Variants in YTHDF1 observed in about 807,000 individuals in gnomAD.
YTHDF1 encodes the protein YTH domain-containing family protein 1.
YTHDF1 carries 16 observed loss-of-function variants against 49.1 expected under a neutral mutation model. The ratio of observed to expected loss-of-function variants is 0.33; its 90% confidence interval spans 0.22 to 0.49. The LOEUF (loss-of-function observed/expected upper bound fraction) is 0.49. Ranked by LOEUF, YTHDF1 falls within the 20% of genes least tolerant of loss-of-function variation. The pLI is 0.99. For missense variants in YTHDF1, 621 were observed against 744.3 expected (o/e 0.83, Z 1.93); for synonymous variants, 313 against 290.1 (o/e 1.08, Z -0.80).
At chr20:63,198,258 C>T (rs1601229501) in intron 4 of YTHDF1, among the ~76,000 whole-genome samples, 1 of 151,498 alleles carries the variant, frequency 6.6e-6, no homozygotes, top group South Asian at 2.1e-4. Context: ...CATGGTAAAA[C>T]CCCACCTCTA....
rs2066522188 is a variant in YTHDF1 at position 63,202,477 on chromosome 20, T to C, written c.1463A>G (p.Gln488Arg). ...ATTCTCCAGCCTGATGTGCCGGAGC[T>C]GGTTATTGGGTACATCCTTAACAAA... is the stretch of plus-strand genomic sequence containing the variant. ...WIFVKDVPNN[Q>R]LRHIRLENND... The change falls in exon 4 of 5, where the codon CAG becomes CGG. Residue 488 changes from glutamine (Q) to arginine (R), a missense_variant. By Grantham distance (43) the Gln-to-Arg change is conservative. Coordinates refer to ENST00000370339, the MANE Select transcript of YTHDF1 (RefSeq NM_017798.4). The C allele has an allele frequency of 6.2e-7, 1 of 1,614,186 alleles. No individual in the cohort carries two copies. The highest frequency in any genetic ancestry group is 1.7e-5 in the Admixed American group (1 of 60,016).
At chr20:63,206,053 C>G (rs1412063315) in intron 3 of YTHDF1, among the ~76,000 whole-genome samples, 1 of 152,208 alleles carries the variant, frequency 6.6e-6, no homozygotes, top group Non-Finnish European at 1.5e-5. Context: ...GCGGTCTGTG[C>G]ACAGGACTTG....
In YTHDF1 at chr20:63,203,846, A is replaced by C; in HGVS notation, c.133-39T>G. ...CGTGACAAGTTACACCACTTCTACAACACGAGATGCTGAGAATGCCAACCG... is the reference window on the plus strand; with the variant it reads ...CGTGACAAGTTACACCACTTCTACACCACGAGATGCTGAGAATGCCAACCG... On this transcript the variant is annotated intron_variant, in intron 3 of 4. Coordinates refer to ENST00000370339, the MANE Select transcript of YTHDF1 (RefSeq NM_017798.4). This position sits in a 1 kb window ranked among gnomAD's most constrained non-coding sequence, Gnocchi z 4.4. The C allele has an allele frequency of 1.3e-6, 2 of 1,547,736 alleles. No homozygotes were observed. Among genetic ancestry groups the C allele is most frequent in the Non-Finnish European group, 8.8e-7 (1 of 1,141,794 alleles).
In YTHDF1 at chr20:63,203,881, T is replaced by A; in HGVS notation, c.133-74A>T. Reference sequence around the variant, plus strand: ...CTGAGAATGCCAACCGCCTCTTGCTTAAGCACAGGTGGAGCAAAAACAAAA... The same window carrying A: ...CTGAGAATGCCAACCGCCTCTTGCTAAAGCACAGGTGGAGCAAAAACAAAA... On this transcript the variant is annotated intron_variant, in intron 3 of 4. Transcript: ENST00000370339. The surrounding 1 kb of genome is among the most constrained non-coding windows in gnomAD (Gnocchi z 4.4). 2 of 1,429,820 alleles carry A rather than the reference T, an allele frequency of 1.4e-6. No homozygotes were observed. The highest frequency in any genetic ancestry group is 9.4e-7 in the Non-Finnish European group (1 of 1,064,214). 88.6% of individuals were successfully genotyped at this position (1,429,820 alleles called of 1,614,324 possible).
chr20:63,214,451 T>G (rs2066591455), intron 2 of YTHDF1, among the ~76,000 whole-genome samples: 2 of 152,206 alleles, frequency 1.3e-5, no homozygotes, highest in African/African-American at 4.8e-5. Flanking sequence ...AAAATTTATT[T>G]TGCCAAGGTT....
At chr20:63,206,212 A>G (rs1264650130) in intron 3 of YTHDF1, among the ~76,000 whole-genome samples, 1 of 152,246 alleles carries the variant, frequency 6.6e-6, no homozygotes, top group African/African-American at 2.4e-5. Context: ...TTCCACGCAA[A>G]AAGAGCAGAT....
chr20:63,214,924 T>G (rs1049536586), intron 2 of YTHDF1, among the ~76,000 whole-genome samples: 2 of 152,202 alleles, frequency 1.3e-5, no homozygotes, highest in African/African-American at 4.8e-5. Context: ...AGACTGGTTT[T>G]CCTTTTACAC....
chr20:63,214,908 G>A (rs1433385278), intron 2 of YTHDF1, among the ~76,000 whole-genome samples: 1 of 152,180 alleles, frequency 6.6e-6, no homozygotes. Flanking sequence ...TGATTTGGGT[G>A]CCCCAAGACT....
intron 3 of YTHDF1, among the ~76,000 whole-genome samples, chr20:63,210,200 T>C (rs543924084): frequency 3.9e-5 from 6 of 152,228 alleles, no homozygotes; most frequent in South Asian, 2.1e-4. Flanking sequence ...CACTATCATA[T>C]TGTGGTCTGT....
intron 3 of YTHDF1, 22 bp downstream of exon 3, chr20:63,213,842 T>C (rs1283476591): frequency 3.8e-6 from 6 of 1,592,804 alleles, no homozygotes; most frequent in Admixed American, 1.8e-5. Flanking sequence ...AAAACAAATA[T>C]ATGCTAACAA....
In YTHDF1 at chr20:63,202,120, C is replaced by T. The variant is rs1469869874; in HGVS notation, c.1653+167G>A. On this transcript the variant is annotated intron_variant, in intron 4 of 4. Transcript: ENST00000370339. Reference sequence around the variant, plus strand: ...CAGTACTCTCCGCAGGGAAAGCCCACGAGGCTGCCAGGACCTGGGCCCGCC... The same window carrying T: ...CAGTACTCTCCGCAGGGAAAGCCCATGAGGCTGCCAGGACCTGGGCCCGCC... Among the ~76,000 whole-genome samples the T allele has an allele frequency of 3.9e-5, 6 of 152,264 alleles. No homozygotes were observed. In the East Asian group the frequency reaches 9.6e-4, roughly 24 times the overall value.
chr20:63,215,940 C>A lies in YTHDF1; in HGVS notation c.-48G>T. On this transcript the variant is annotated 5_prime_UTR_variant, in exon 1 of 5. Coordinates refer to ENST00000370339, the MANE Select transcript of YTHDF1 (RefSeq NM_017798.4). Reference sequence around the variant, plus strand: ...GGGCCGGGGCGCCCGCCGGCTCGGGCCTCCCCTAGAGGCCGGGCCTGTCAC... The same window carrying A: ...GGGCCGGGGCGCCCGCCGGCTCGGGACTCCCCTAGAGGCCGGGCCTGTCAC... 2 of 1,338,718 alleles carry A rather than the reference C, an allele frequency of 1.5e-6. No homozygotes were observed. Among genetic ancestry groups the A allele is most frequent in the Non-Finnish European group, 1.9e-6 (2 of 1,040,684 alleles). 82.9% of individuals were successfully genotyped at this position (1,338,718 alleles called of 1,614,324 possible). A position where few individuals can be genotyped will look rare whatever the true frequency, so the allele number is the denominator to read the frequency against.
rs564023031 is a variant in YTHDF1, at chr20:63,206,434, G to A, written c.133-2627C>T. On this transcript the variant is annotated intron_variant, in intron 3 of 4. Transcript: ENST00000370339. ...GAAAATCCGTTTTAAGTATTAAATG[G>A]ACACACCTAGCACACACGCTGCACA... 2.0e-5 allele frequency among the ~76,000 whole-genome samples: 3 copies of A among 152,272 alleles called. No individual in the cohort carries two copies. In the East Asian group the frequency reaches 5.8e-4, roughly 29 times the overall value.
intron 4 of YTHDF1, 41 bp from the exon 5 acceptor site, chr20:63,196,775 C>A: frequency 6.2e-7 from 1 of 1,612,364 alleles, no homozygotes. Context: ...AGAGTAACCA[C>A]ACCAATGAAT....
chr20:63,205,347 G>A (rs1386441559), intron 3 of YTHDF1, among the ~76,000 whole-genome samples: 1 of 152,196 alleles, frequency 6.6e-6, no homozygotes, highest in Non-Finnish European at 1.5e-5. Flanking sequence ...TGGGGGCAGT[G>A]CCCCAACACC....
At chr20:63,202,168 G>T in intron 4 of YTHDF1, 119 bp downstream of exon 4, 2 of 1,369,004 alleles carry the variant, frequency 1.5e-6, no homozygotes, top group Non-Finnish European at 2.0e-6. Context: ...ACTGGGAGCT[G>T]CCTGTCACGA....
rs1431701398 is a variant in YTHDF1 at position 63,195,925 on chromosome 20, C to A, written c.*783G>T. 6.6e-6 allele frequency: 1 copy of A among 152,246 alleles called. No homozygotes were observed. The highest frequency in any genetic ancestry group is 1.9e-4 in the East Asian group (1 of 5,188). The allele number at this position is 152,246 out of a possible 1,614,324, so 9.4% of individuals were successfully genotyped here. ...GCATTATTGGTATAAAAACTTAAGA[C>A]GGCATTAGAATTCTTAAGAAAAGGT... On this transcript the variant is annotated 3_prime_UTR_variant, in exon 5 of 5. Coordinates refer to ENST00000370339, the MANE Select transcript of YTHDF1 (RefSeq NM_017798.4).
chr20:63,201,650 T>C (rs1056494480), intron 4 of YTHDF1, among the ~76,000 whole-genome samples: 2 of 152,244 alleles, frequency 1.3e-5, no homozygotes, highest in Non-Finnish European at 2.9e-5. Context: ...TTTGTCATTA[T>C]AAAATGTCTG....
chr20:63,204,981 A>G (rs1263019495), intron 3 of YTHDF1, among the ~76,000 whole-genome samples: 1 of 152,116 alleles, frequency 6.6e-6, no homozygotes, highest in Non-Finnish European at 1.5e-5. Context: ...ACCTAGACGC[A>G]TCGTCTGAGA....
Sources: gnomAD v4.1 joint callset for allele counts (sites outside exome capture counted in the v4.1 genomes callset) on GRCh38, gnomAD v4.1.1 for gene constraint, Gnocchi (gnomAD v3.1) non-coding constraint, MANE v1.5 for transcripts, NCBI Gene and HGNC (gene_info 2026-07-23, HGNC 2026-07-21) for gene names.